The following SAMD3 variants were observed in gnomAD, a reference collection of about 807,000 sequenced individuals.
The protein encoded by SAMD3 is sterile alpha motif domain containing 3, also known as sterile alpha motif domain-containing protein 3.
In SAMD3, 63 loss-of-function variants were observed where a neutral mutation model predicts 58.5. That is an observed-to-expected ratio of 1.08 (90% confidence interval 0.88 to 1.33). SAMD3 has a LOEUF of 1.33. SAMD3 is among the 40% of genes most tolerant of loss of function. SAMD3 has a pLI of 0.00. For missense variants in SAMD3, 604 were observed against 608.4 expected, an observed-to-expected ratio of 0.99 and a Z score of 0.08; for synonymous variants, 220 against 210.3, an observed-to-expected ratio of 1.05 and a Z score of -0.40.
At chr6:130,343,647 A>ATCAG (rs1328048815) in intron 1 of SAMD3, among the ~76,000 whole-genome samples, 2 of 152,106 alleles carry the variant, frequency 1.3e-5, no homozygotes, top group African/African-American at 4.8e-5. Flanking sequence ...GAGAAAAGGT[A>ATCAG]TCAGTGCTAG....
intron 2 of SAMD3, among the ~76,000 whole-genome samples, chr6:130,243,684 A>G (rs189537174): frequency 5.3e-5 from 8 of 152,342 alleles, no homozygotes; most frequent in African/African-American, 1.9e-4. Context: ...TGACTGTGCT[A>G]AATATATATG....
chr6:130,157,379 C>T (rs1189721895), intron 8 of SAMD3, among the ~76,000 whole-genome samples: 1 of 151,046 alleles, frequency 6.6e-6, no homozygotes, highest in African/African-American at 2.4e-5. Context: ...CACTCTGTCA[C>T]CCAGGCTGAA....
intron 7 of SAMD3, among the ~76,000 whole-genome samples, chr6:130,176,681 G>A (rs893269281): frequency 1.4e-4 from 21 of 152,222 alleles, no homozygotes; most frequent in African/African-American, 5.1e-4. Flanking sequence ...CTTCCTGTAG[G>A]AAGTGAATCT....
At chr6:130,263,066 A>G (rs1774199346) in intron 2 of SAMD3, among the ~76,000 whole-genome samples, 1 of 152,230 alleles carries the variant, frequency 6.6e-6, no homozygotes, top group Non-Finnish European at 1.5e-5. Context: ...AACATTAATA[A>G]CACACTAATA....
intron 8 of SAMD3, among the ~76,000 whole-genome samples, chr6:130,169,872 T>C (rs1791083149): frequency 6.6e-6 from 1 of 152,140 alleles, no homozygotes; most frequent in South Asian, 2.1e-4. Context: ...CTGGGGACAA[T>C]TGATTTTACC....
At chr6:130,268,589 T>C (rs1774444367) in intron 2 of SAMD3, among the ~76,000 whole-genome samples, 1 of 152,178 alleles carries the variant, frequency 6.6e-6, no homozygotes, top group Non-Finnish European at 1.5e-5. Flanking sequence ...CACTTTTTGA[T>C]GTTTATACCA....
intron 1 of SAMD3, among the ~76,000 whole-genome samples, chr6:130,339,518 C>G (rs1777207169): frequency 6.6e-6 from 1 of 152,178 alleles, no homozygotes; most frequent in Admixed American, 6.5e-5. Context: ...TTCACATACT[C>G]TTCTCTCTTC....
At chr6:130,292,616 GT>G (rs1355330936) in intron 2 of SAMD3, among the ~76,000 whole-genome samples, 3 of 109,642 alleles carry the variant, frequency 2.7e-5, no homozygotes, top group Non-Finnish European at 4.0e-5. Context: ...TTGTTTGTTT[GT>G]TTTGTTTTGT....
intron 1 of SAMD3, among the ~76,000 whole-genome samples, chr6:130,343,879 C>T (rs1274473664): frequency 3.3e-5 from 5 of 152,152 alleles, no homozygotes; most frequent in South Asian, 2.1e-4. Flanking sequence ...GCGGGAGAAT[C>T]GCTTGAACCG....
At chr6:130,148,994 C>T (rs995829822) in intron 9 of SAMD3, among the ~76,000 whole-genome samples, 2 of 152,276 alleles carry the variant, frequency 1.3e-5, no homozygotes, top group East Asian at 3.9e-4. Flanking sequence ...CAAAGGCACC[C>T]GTTGATCCAG....
intron 5 of SAMD3, among the ~76,000 whole-genome samples, chr6:130,199,188 T>C (rs868761862): frequency 6.6e-6 from 1 of 152,144 alleles, no homozygotes; most frequent in South Asian, 2.1e-4. Flanking sequence ...ACTCCCACCA[T>C]TGGGAGAGAA....
At chr6:130,164,321 C>G (rs1256670231) in intron 8 of SAMD3, among the ~76,000 whole-genome samples, 2 of 152,104 alleles carry the variant, frequency 1.3e-5, no homozygotes, top group Non-Finnish European at 2.9e-5. Context: ...AAAATGAAAA[C>G]TAGGTGTTTT....
chr6:130,145,391 G>C lies in SAMD3; in HGVS notation c.1227C>G (p.Leu409=), dbSNP rs144051262. Residue 409 remains leucine (L), a synonymous_variant, in exon 11 of 12, where the codon CTC becomes CTG. Coordinates refer to ENST00000439090, the MANE Select transcript of SAMD3 (RefSeq NM_001017373.4). ...YMKMTATCLL[L]PDVFGDDPSL... is the part of the protein sequence containing the mutation. ...TGGGATCATCCCCAAAAACATCTGGGAGGAGTAAACATGTGGCTGTCATCT... is the reference window on the plus strand; with the variant it reads ...TGGGATCATCCCCAAAAACATCTGGCAGGAGTAAACATGTGGCTGTCATCT... The C allele has an allele frequency of 3.1e-4, 494 of 1,611,624 alleles. 2 individuals carry two copies. In the African/African-American group the frequency reaches 5.6e-3, roughly 18 times the overall value.
intron 5 of SAMD3, among the ~76,000 whole-genome samples, chr6:130,206,169 C>T (rs143285409): frequency 1.6e-4 from 25 of 152,308 alleles, no homozygotes; most frequent in African/African-American, 6.0e-4. Flanking sequence ...AAGTGATTGC[C>T]CAGGAGGGGA....
intron 1 of SAMD3, among the ~76,000 whole-genome samples, chr6:130,314,716 T>C (rs1776301433): frequency 6.6e-6 from 1 of 152,196 alleles, no homozygotes; most frequent in African/African-American, 2.4e-5. Context: ...TATCTGGCTC[T>C]GGGAAAGTCA....
intron 9 of SAMD3, among the ~76,000 whole-genome samples, chr6:130,148,316 GA>G (rs1247611794): frequency 6.6e-6 from 1 of 152,148 alleles, no homozygotes; most frequent in Non-Finnish European, 1.5e-5. Context: ...TTACAAATCT[GA>G]TCCTTTCATT....
intron 9 of SAMD3, among the ~76,000 whole-genome samples, chr6:130,154,411 A>G (rs978183928): frequency 6.6e-6 from 1 of 151,912 alleles, no homozygotes; most frequent in Non-Finnish European, 1.5e-5. Flanking sequence ...CCAAGAGGAA[A>G]GAGGGAAAAA....
chr6:130,190,315 C>T (rs372635433), intron 5 of SAMD3, among the ~76,000 whole-genome samples: 1 of 147,882 alleles, frequency 6.8e-6, no homozygotes, highest in Non-Finnish European at 1.5e-5. Flanking sequence ...ATGTAACGTA[C>T]AAAAAAAAAA....
At chr6:130,169,957 CA>C (rs1199200215) in intron 8 of SAMD3, among the ~76,000 whole-genome samples, 1 of 152,080 alleles carries the variant, frequency 6.6e-6, no homozygotes, top group East Asian at 1.9e-4. Context: ...AAAGGAACTC[CA>C]CCTTTATTCT....
Sources: gnomAD v4.1 joint callset for allele counts (sites outside exome capture counted in the v4.1 genomes callset) on GRCh38, gnomAD v4.1.1 for gene constraint, MANE v1.5 for transcripts, NCBI Gene and HGNC (gene_info 2026-07-23, HGNC 2026-07-21) for gene names.